Variants in MAP4 observed in about 807,000 individuals in gnomAD.
The protein encoded by MAP4 is microtubule-associated protein 4.
MAP4 carries 76 observed loss-of-function variants against 170.2 expected under a neutral mutation model. The ratio of observed to expected loss-of-function variants is 0.45; its 90% confidence interval spans 0.37 to 0.54. MAP4 has a LOEUF of 0.54. Among genes scored for constraint, MAP4 ranks in the 20% least tolerant of loss-of-function variants. MAP4 has a pLI of 0.00. For missense variants in MAP4, 2,506 were observed against 2,748.0 expected (o/e 0.91, Z 1.97); for synonymous variants, 909 against 994.5 (o/e 0.91, Z 1.62).
chr3:47,937,615 C>G (rs542393403), intron 3 of MAP4, among the ~76,000 whole-genome samples: 2 of 150,984 alleles, frequency 1.3e-5, no homozygotes, highest in African/African-American at 4.9e-5. Context: ...AATCTCAGAA[C>G]CTTTGGCTAC....
chr3:48,082,773 G>C (rs1411636650), intron 1 of MAP4, among the ~76,000 whole-genome samples: 1 of 149,586 alleles, frequency 6.7e-6, no homozygotes, highest in East Asian at 1.9e-4. Flanking sequence ...ACTCCAGCCT[G>C]GGCAACAGAG....
chr3:47,921,953 C>CT (rs1265575803), intron 4 of MAP4, 75 bp from the exon 5 acceptor site: 37,629 of 573,886 alleles, frequency 0.066, 2 homozygotes, highest in East Asian at 0.077. Context: ...TTCTTTCTTT[C>CT]TTTTTTTTTT....
intron 2 of MAP4, among the ~76,000 whole-genome samples, chr3:47,990,085 C>G (rs2100091217): frequency 6.6e-6 from 1 of 152,124 alleles, no homozygotes; most frequent in African/African-American, 2.4e-5. Flanking sequence ...GCAAAACAGC[C>G]AGGTCTCAAT....
intron 3 of MAP4, among the ~76,000 whole-genome samples, chr3:47,963,061 C>CA (rs1247766324): frequency 6.6e-6 from 1 of 152,018 alleles, no homozygotes; most frequent in Non-Finnish European, 1.5e-5. Flanking sequence ...AGAAACAAAA[C>CA]AAAAAAACTC....
chr3:48,056,952 G>GC (rs1222810022), intron 1 of MAP4, among the ~76,000 whole-genome samples: 11 of 112,930 alleles, frequency 9.7e-5, no homozygotes, highest in African/African-American at 4.0e-4. Flanking sequence ...TCAGCCCCCC[G>GC]CCCGGCCAGC....
At chr3:48,055,194 C>CTCTCCGTCTCCG (rs1209559579) in intron 1 of MAP4, among the ~76,000 whole-genome samples, 10 of 98,624 alleles carry the variant, frequency 1.0e-4, no homozygotes, top group South Asian at 7.4e-4. Flanking sequence ...CTCCCTCTCC[C>CTCTCCGTCTCCG]TCTCCGTCTC....
intron 12 of MAP4, 27 bp downstream of exon 12, chr3:47,875,658 C>T (rs375854154): frequency 3.8e-4 from 604 of 1,590,344 alleles, no homozygotes; most frequent in Middle Eastern, 8.9e-4. Context: ...CAATTTTCCT[C>T]GGCACAGTAG....
At chr3:48,087,649 A>G (rs2100149807) in intron 1 of MAP4, among the ~76,000 whole-genome samples, 3 of 152,126 alleles carry the variant, frequency 2.0e-5, no homozygotes, top group Admixed American at 6.6e-5. Context: ...GGGAAAGAGC[A>G]GAGGCAGTTG....
chr3:48,087,124 G>A (rs151116863), intron 1 of MAP4, among the ~76,000 whole-genome samples: 1 of 152,328 alleles, frequency 6.6e-6, no homozygotes, highest in East Asian at 1.9e-4. Flanking sequence ...AAGGAAGTGT[G>A]TAACTGAGGT....
chr3:47,914,838 C>T lies in MAP4; in HGVS notation c.1978G>A (p.Glu660Lys), dbSNP rs775847073. The T allele has an allele frequency of 6.2e-7, 1 of 1,614,124 alleles. No homozygotes were observed. The highest frequency in any genetic ancestry group is 8.5e-7 in the Non-Finnish European group (1 of 1,180,014). ...TTACCTGAGGTCTCTGAAGAAAGCTCAGAAGGTTGACTGTTGCATGGTTTC... is the reference window on the plus strand; with the variant it reads ...TTACCTGAGGTCTCTGAAGAAAGCTTAGAAGGTTGACTGTTGCATGGTTTC... Reference protein sequence around the residue: ...ERKPCNSQPSELSSETSANFM... With the variant: ...ERKPCNSQPSKLSSETSANFM... The change falls in exon 8 of 21, where the codon GAG becomes AAG. Residue 660 changes from glutamate (E) to lysine (K), a missense_variant. Glu to Lys is a moderately conservative substitution (Grantham distance 56). This residue lies in a region of MAP4 where 2,008 missense variants were observed against 2,206.0 expected (regional missense o/e 0.91). Transcript: ENST00000683076.
At chr3:47,875,332 T>G (rs1023247537) in intron 12 of MAP4, among the ~76,000 whole-genome samples, 1 of 152,086 alleles carries the variant, frequency 6.6e-6, no homozygotes, top group African/African-American at 2.4e-5. Flanking sequence ...AAAGAGTAGG[T>G]AGCTGAGAGA....
At chr3:47,997,442 TC>T (rs1264905115) in intron 2 of MAP4, among the ~76,000 whole-genome samples, 1 of 149,490 alleles carries the variant, frequency 6.7e-6, no homozygotes, top group East Asian at 2.0e-4. Flanking sequence ...CATATCAAAA[TC>T]CATGGGACAC....
At chr3:47,963,812 A>C (rs1439530276) in intron 3 of MAP4, among the ~76,000 whole-genome samples, 1 of 152,228 alleles carries the variant, frequency 6.6e-6, no homozygotes, top group African/African-American at 2.4e-5. Flanking sequence ...ACAAATTATT[A>C]GAAAGTGACA....
At chr3:48,045,817 A>G (rs1359580877) in intron 1 of MAP4, among the ~76,000 whole-genome samples, 1 of 152,216 alleles carries the variant, frequency 6.6e-6, no homozygotes, top group East Asian at 1.9e-4. Flanking sequence ...CTGGGATTAC[A>G]GGCGTAAGCC....
chr3:47,942,857 C>G (rs1455057915), intron 3 of MAP4, among the ~76,000 whole-genome samples: 1 of 152,168 alleles, frequency 6.6e-6, no homozygotes, highest in African/African-American at 2.4e-5. Flanking sequence ...CACCTGTAAT[C>G]ATCGCAATTT....
At chr3:47,862,435 A>G (rs1282550115) in intron 17 of MAP4, among the ~76,000 whole-genome samples, 12 of 142,184 alleles carry the variant, frequency 8.4e-5, no homozygotes, top group Admixed American at 2.8e-4. Flanking sequence ...TATAGCTTGT[A>G]TTATCTTATT....
Position 47,909,472 on chromosome 3 carries a change from T to C in MAP4, c.4949A>G (p.Asp1650Gly). ...CAGATCTACCTTCTTATTCAAACTA[T>C]CTGAACCTTTGGAATTTCTATCTTG... is the stretch of plus-strand genomic sequence containing the variant. ...NAQDRNSKGS[D>G]SLNKKVDLTL... is the part of the protein sequence containing the mutation. The change falls in exon 9 of 21, where the codon GAT becomes GGT. Residue 1650 changes from aspartate (D) to glycine (G), a missense_variant. This residue lies in a region of MAP4 where 2,008 missense variants were observed against 2,206.0 expected (regional missense o/e 0.91). Coordinates refer to ENST00000683076, the MANE Select transcript of MAP4 (RefSeq NM_001385682.1). The C allele has an allele frequency of 6.2e-7, 1 of 1,613,932 alleles. No individual in the cohort carries two copies.
intron 2 of MAP4, among the ~76,000 whole-genome samples, chr3:47,984,895 G>A (rs1423710855): frequency 6.6e-6 from 1 of 152,036 alleles, no homozygotes; most frequent in African/African-American, 2.4e-5. Flanking sequence ...CTTGAACCCA[G>A]AAGGCGGAGG....
In MAP4 at chr3:47,910,315, T is replaced by G. The variant is rs1409193778; in HGVS notation, c.4106A>C (p.Lys1369Thr). The G allele has an allele frequency of 6.4e-7, 1 of 1,566,824 alleles. No individual in the cohort carries two copies. The highest frequency in any genetic ancestry group is 8.6e-7 in the Non-Finnish European group (1 of 1,161,096). Residue 1369 changes from lysine (K) to threonine (T), a missense_variant, in exon 9 of 21, where the codon AAA becomes ACA. By Grantham distance (78) the Lys-to-Thr change is moderately conservative (BLOSUM62 -1). Around this residue, in one of 3 missense-constraint regions of MAP4, gnomAD observed 2,008 missense variants for 2,206.0 expected, o/e 0.91. Coordinates refer to ENST00000683076, the MANE Select transcript of MAP4 (RefSeq NM_001385682.1). ...CTCAGGAGAACTATTTTTAACCTTT[T>G]TACTTTTTCCATCATTACTCCTTTT... ...PSKRSNDGKSKKVKNSSPEKH... is the reference protein window; with the variant it reads ...PSKRSNDGKSTKVKNSSPEKH...
Sources: gnomAD v4.1 joint callset for allele counts (sites outside exome capture counted in the v4.1 genomes callset) on GRCh38, gnomAD v4.1.1 for gene constraint, gnomAD v4.1.1 regional missense constraint, MANE v1.5 for transcripts, NCBI Gene and HGNC (gene_info 2026-07-23, HGNC 2026-07-21) for gene names.